The following CA1 variants were observed in gnomAD, a reference collection of about 807,000 sequenced individuals.
CA1 encodes the protein carbonic anhydrase 1.
In CA1, 27 loss-of-function variants were observed where a neutral mutation model predicts 28.8. The ratio of observed to expected loss-of-function variants is 0.94; its 90% CI spans 0.69 to 1.29. The LOEUF (loss-of-function observed/expected upper bound fraction) is 1.29. CA1 is among the 50% of genes most tolerant of loss of function. The pLI, the probability that CA1 is intolerant of heterozygous loss-of-function variation, is 0.00. For missense variants in CA1, 335 were observed against 310.5 expected (o/e 1.08, Z -0.59); for synonymous variants, 121 against 108.8 (o/e 1.11, Z -0.70).
chr8:85,366,228 G>C (rs1395403525), intron 1 of CA1, among the ~76,000 whole-genome samples: 1 of 147,658 alleles, frequency 6.8e-6, no homozygotes, highest in Non-Finnish European at 1.5e-5. Context: ...GCCCAGGCTG[G>C]TTTTGAACTC....
At chr8:85,337,462 G>C (rs1250775023) in intron 3 of CA1, among the ~76,000 whole-genome samples, 3 of 152,056 alleles carry the variant, frequency 2.0e-5, no homozygotes, top group Non-Finnish European at 4.4e-5. Flanking sequence ...AGTTTATTTT[G>C]AGTAATGAAC....
chr8:85,332,926 T>C (rs1808471692), intron 5 of CA1, among the ~76,000 whole-genome samples: 1 of 152,156 alleles, frequency 6.6e-6, no homozygotes, highest in Admixed American at 6.6e-5. Context: ...AAGTGCTCAG[T>C]AAAGGTTAAG....
At position 85,327,997 on chromosome 8, in the gene CA1, A is replaced by G. The variant is rs1421781408; in HGVS notation, c.*563T>C. 1 of 152,538 alleles carries G rather than the reference A, an allele frequency of 6.6e-6. No individual in the cohort carries two copies. The highest frequency in any genetic ancestry group is 1.5e-5 in the Non-Finnish European group (1 of 68,324). 9.4% of individuals were successfully genotyped at this position (152,538 alleles called of 1,614,324 possible). ...AAAGATAATCATTTTGATCACAGAC[A>G]ACACAAATGGTAGCAATGTTGGGCC... is the stretch of plus-strand genomic sequence containing the variant. On this transcript the variant is annotated 3_prime_UTR_variant, in exon 8 of 8. Coordinates refer to ENST00000523022, the MANE Select transcript of CA1 (RefSeq NM_001128831.4).
At chr8:85,328,717 G>A (rs778871775) in intron 7 of CA1, 41 bp from the exon 8 acceptor site, 1 of 1,290,948 alleles carries the variant, frequency 7.7e-7, no homozygotes, top group South Asian at 1.2e-5. Flanking sequence ...AGTTTTTAAA[G>A]TTACATAAAG....
intron 1 of CA1, among the ~76,000 whole-genome samples, chr8:85,346,489 T>A (rs1585936210): frequency 6.6e-6 from 1 of 152,186 alleles, no homozygotes. Context: ...CTGCTAGGCA[T>A]GGTGGCTCAT....
intron 2 of CA1, among the ~76,000 whole-genome samples, chr8:85,340,732 G>A (rs1030345427): frequency 6.6e-6 from 1 of 152,200 alleles, no homozygotes; most frequent in African/African-American, 2.4e-5. Flanking sequence ...ATTAACAGGA[G>A]TTTGAAAGAA....
At position 85,328,450 on chromosome 8, in the gene CA1, T is replaced by G; in HGVS notation, c.*110A>C. ...TTTACAGATTGATTTGAAGGCATGC[T>G]GTCTTGCTAATATTGAAATAAATTT... On this transcript the variant is annotated 3_prime_UTR_variant, in exon 8 of 8. Coordinates refer to ENST00000523022, the MANE Select transcript of CA1 (RefSeq NM_001128831.4). 1 of 682,188 alleles carries G rather than the reference T, an allele frequency of 1.5e-6. No individual in the cohort carries two copies. Among genetic ancestry groups the G allele is most frequent in the Non-Finnish European group, 2.6e-6 (1 of 381,106 alleles). 42.3% of individuals were successfully genotyped at this position (682,188 alleles called of 1,614,324 possible).
At chr8:85,369,446 A>G (rs1353503048) in intron 1 of CA1, among the ~76,000 whole-genome samples, 1 of 152,196 alleles carries the variant, frequency 6.6e-6, no homozygotes, top group African/African-American at 2.4e-5. Context: ...TTCATATCAA[A>G]GCATTAATGA....
chr8:85,346,689 G>A (rs1218664440), intron 1 of CA1, among the ~76,000 whole-genome samples: 1 of 152,136 alleles, frequency 6.6e-6, no homozygotes, highest in Non-Finnish European at 1.5e-5. Flanking sequence ...TTGAACCCGG[G>A]AGCCAGAGGT....
In CA1 at chr8:85,338,392, A is replaced by G. The variant is rs769298277; in HGVS notation, c.95T>C (p.Val32Ala). 38 of 1,613,900 alleles carry G rather than the reference A, an allele frequency of 2.4e-5. No individual in the cohort carries two copies. Among genetic ancestry groups the G allele is most frequent in the Non-Finnish European group, 3.1e-5 (36 of 1,179,932 alleles). The change falls in exon 3 of 8, where the codon GTT (valine) becomes GCT (alanine). Residue 32 changes from valine (V) to alanine (A), a missense_variant. Physicochemically the swap from Val to Ala is moderately conservative, Grantham distance 64. Transcript: ENST00000523022. The stretch of plus-strand genomic sequence containing the variant: ...TTTGGTTTCACTGGTTTTAATATCA[A>G]CAGGGGACTGGTTATTTCCATTGGC... ...PIANGNNQSP[V>A]DIKTSETKHD...
intron 7 of CA1, 138 bp from the exon 8 acceptor site, chr8:85,328,814 G>A (rs911092300): frequency 2.0e-6 from 1 of 491,084 alleles, no homozygotes; most frequent in Non-Finnish European, 3.6e-6. Context: ...AAGAGAGAAA[G>A]CCCCAAATCC....
At position 85,333,447 on chromosome 8, in the gene CA1, G is replaced by T. The variant is rs1808496331; in HGVS notation, c.450+78C>A. ...TAAAATAAGAAATTCTAAAATATAT[G>T]TTGCCTTATTTCCTTCTATTTTGAG... On this transcript the variant is annotated intron_variant, in intron 5 of 7. Coordinates refer to ENST00000523022, the MANE Select transcript of CA1 (RefSeq NM_001128831.4). The T allele has an allele frequency of 3.5e-6, 3 of 869,564 alleles. No individual in the cohort carries two copies. The South Asian group carries it at 4.1e-5, about 12-fold the overall frequency. 53.9% of individuals were successfully genotyped at this position (869,564 alleles called of 1,614,324 possible).
chr8:85,360,974 T>C (rs1165136704), intron 1 of CA1, among the ~76,000 whole-genome samples: 2 of 152,206 alleles, frequency 1.3e-5, no homozygotes, highest in African/African-American at 4.8e-5. Context: ...CACGCTCCTG[T>C]AGGGAATGTG....
chr8:85,354,150 T>C (rs1809517610), intron 1 of CA1, among the ~76,000 whole-genome samples: 3 of 150,974 alleles, frequency 2.0e-5, no homozygotes, highest in South Asian at 4.2e-4. Flanking sequence ...TTTTTTTGTA[T>C]TTTTAGTAGG....
intron 1 of CA1, among the ~76,000 whole-genome samples, chr8:85,373,628 G>A (rs982888435): frequency 2.0e-5 from 3 of 152,096 alleles, no homozygotes; most frequent in African/African-American, 7.2e-5. Context: ...TCATAGATGT[G>A]TTTGTATAAG....
At chr8:85,344,484 T>C (rs1356835138) in intron 1 of CA1, among the ~76,000 whole-genome samples, 1 of 151,086 alleles carries the variant, frequency 6.6e-6, no homozygotes, top group Non-Finnish European at 1.5e-5. Context: ...TCAGTGTTTT[T>C]AAGTATCTAT....
At chr8:85,329,537 A>T in intron 7 of CA1, 152 bp downstream of exon 7, 1 of 771,908 alleles carries the variant, frequency 1.3e-6, no homozygotes, top group Non-Finnish European at 2.2e-6. Context: ...ATAGTTTAAT[A>T]AACCTATGTC....
intron 1 of CA1, among the ~76,000 whole-genome samples, chr8:85,372,852 T>C (rs1810279398): frequency 6.6e-6 from 1 of 152,162 alleles, no homozygotes. Context: ...CTCCCCTTAG[T>C]CACTTAGTAG....
chr8:85,341,835 C>T, intron 1 of CA1, 176 bp from the exon 2 acceptor site: 2 of 540,246 alleles, frequency 3.7e-6, no homozygotes, highest in Non-Finnish European at 6.6e-6. Flanking sequence ...GTAAAAAATT[C>T]TACAAGGGCT....
Sources: allele counts gnomAD v4.1 joint callset (sites outside exome capture counted in the v4.1 genomes callset), GRCh38; gene constraint gnomAD v4.1.1; transcripts MANE v1.5; gene names NCBI Gene and HGNC (gene_info 2026-07-23, HGNC 2026-07-21).